C10orf67: variants seen among roughly 807,000 people sequenced by gnomAD.
The protein encoded by C10orf67 is chromosome 10 open reading frame 67.
A neutral mutation model predicts 35.6 loss-of-function variants in C10orf67; 60 were observed. That is an observed-to-expected ratio of 1.68 (90% CI 1.37 to 2.09). The LOEUF is 2.09. C10orf67 is among the 30% of genes most tolerant of loss of function. The pLI, the probability that C10orf67 is intolerant of heterozygous loss-of-function variation, is 0.00. For synonymous variants in C10orf67, 167 were observed against 115.8 expected (o/e 1.44, Z -2.84); for missense variants, 474 against 330.2 (o/e 1.44, Z -3.38).
rs528921804 is a variant in C10orf67 at position 23,255,556 on chromosome 10, T to C, written c.1201-4865A>G. On this transcript the variant is annotated intron_variant, in intron 10 of 15. Transcript: ENST00000636213. Reference sequence around the variant, plus strand: ...TAGAACATCCTAGACCTTGTGTTCATGTGTTCATGTGTTCATGTAGGAAGT... The same window carrying C: ...TAGAACATCCTAGACCTTGTGTTCACGTGTTCATGTGTTCATGTAGGAAGT... 7.9e-5 allele frequency among the ~76,000 whole-genome samples: 12 copies of C among 151,210 alleles called. No homozygotes were observed. In the South Asian group the frequency reaches 2.5e-3, roughly 31 times the overall value.
chr10:23,313,150 T>C (rs776890165), intron 4 of C10orf67, among the ~76,000 whole-genome samples: 3 of 152,238 alleles, frequency 2.0e-5, no homozygotes, highest in Non-Finnish European at 4.4e-5. Flanking sequence ...TCCTTAACTA[T>C]TCACCCAAAT....
intron 4 of C10orf67, among the ~76,000 whole-genome samples, chr10:23,315,519 G>C (rs1366775573): frequency 6.6e-6 from 1 of 151,592 alleles, no homozygotes; most frequent in Non-Finnish European, 1.5e-5. Context: ...GCTCACTGCA[G>C]CCTTAACTTC....
At chr10:23,264,208 C>T (rs1211760629) in intron 10 of C10orf67, among the ~76,000 whole-genome samples, 4 of 151,872 alleles carry the variant, frequency 2.6e-5, no homozygotes, top group South Asian at 4.1e-4. Flanking sequence ...TGTATATATA[C>T]GGTAAAGAAT....
At chr10:23,305,127 G>T (rs757335111) in intron 4 of C10orf67, among the ~76,000 whole-genome samples, 1 of 152,072 alleles carries the variant, frequency 6.6e-6, no homozygotes, top group Non-Finnish European at 1.5e-5. Context: ...CGAACATAAG[G>T]CTATATAGTT....
intron 10 of C10orf67, 95 bp downstream of exon 10, chr10:23,266,167 T>C (rs1167703118): frequency 7.6e-6 from 3 of 397,046 alleles, no homozygotes; most frequent in Non-Finnish European, 1.3e-5. Context: ...GAACCCGGTG[T>C]GCTTAGACTG....
At chr10:23,222,246 T>G (rs1199921820) in intron 15 of C10orf67, among the ~76,000 whole-genome samples, 2 of 152,186 alleles carry the variant, frequency 1.3e-5, no homozygotes, top group Non-Finnish European at 1.5e-5. Flanking sequence ...CCATCAAAAT[T>G]TATTTGTGTT....
At chr10:23,294,201 C>T (rs1219816125) in intron 5 of C10orf67, among the ~76,000 whole-genome samples, 1 of 152,108 alleles carries the variant, frequency 6.6e-6, no homozygotes, top group Non-Finnish European at 1.5e-5. Context: ...TGCAGAGCTG[C>T]CACTCTTGAA....
intron 12 of C10orf67, among the ~76,000 whole-genome samples, chr10:23,242,507 C>T (rs1372236779): frequency 6.6e-6 from 1 of 151,454 alleles, no homozygotes; most frequent in Non-Finnish European, 1.5e-5. Flanking sequence ...AATGAGAAGC[C>T]CAACAAACAG....
chr10:23,239,785 T>C lies in C10orf67; in HGVS notation c.1378A>G (p.Arg460Gly). The change falls in exon 13 of 16, where the codon AGG (arginine) becomes GGG (glycine). Residue 460 changes from arginine (R) to glycine (G), a missense_variant. By Grantham distance (125) the Arg-to-Gly change is moderately radical. Transcript: ENST00000636213. ...FHVLKNEMFTRHTLFRQFAVL... is the reference protein window; with the variant it reads ...FHVLKNEMFTGHTLFRQFAVL... ...GCAAACTGACGAAACAGTGTGTGCC[T>C]TGTAAACATCTCATTCTTAAGGACA... is the stretch of plus-strand genomic sequence containing the variant. 1 of 636,386 alleles carries C rather than the reference T, an allele frequency of 1.6e-6. No individual in the cohort carries two copies. The highest frequency in any genetic ancestry group is 3.1e-6 in the Non-Finnish European group (1 of 327,792). The allele number at this position is 636,386 out of a possible 1,614,324, so 39.4% of individuals were successfully genotyped here.
In C10orf67 at chr10:23,237,065, C is replaced by A. The variant is rs545137119; in HGVS notation, c.1434+2664G>T. 3.9e-5 allele frequency among the ~76,000 whole-genome samples: 6 copies of A among 152,116 alleles called. No homozygotes were observed. The South Asian group carries it at 1.2e-3, about 32-fold the overall frequency. Reference sequence around the variant, plus strand: ...CCCACCTCCACCCTCAAGTAGGCCCCCATGTCTGTTCCTTTGTGTCCATGT... The same window carrying A: ...CCCACCTCCACCCTCAAGTAGGCCCACATGTCTGTTCCTTTGTGTCCATGT... On this transcript the variant is annotated intron_variant, in intron 13 of 15. Coordinates refer to ENST00000636213, the MANE Select transcript of C10orf67 (RefSeq NM_001371909.1).
chr10:23,278,453 C>T (rs1224116216), intron 8 of C10orf67, among the ~76,000 whole-genome samples: 1 of 152,192 alleles, frequency 6.6e-6, no homozygotes. Context: ...TCCCTTCCAT[C>T]ATTTACTCAT....
intron 13 of C10orf67, among the ~76,000 whole-genome samples, chr10:23,227,366 G>A (rs1841769731): frequency 6.6e-6 from 1 of 152,098 alleles, no homozygotes; most frequent in Non-Finnish European, 1.5e-5. Flanking sequence ...ATGCAGAAAA[G>A]GCCTTTGACA....
At chr10:23,254,729 CAGA>C (rs1224492466) in intron 10 of C10orf67, among the ~76,000 whole-genome samples, 1 of 152,052 alleles carries the variant, frequency 6.6e-6, no homozygotes, top group Non-Finnish European at 1.5e-5. Context: ...TTTGTAATAA[CAGA>C]AGAAGCAAAT....
At chr10:23,221,416 A>T (rs1179333441) in intron 15 of C10orf67, among the ~76,000 whole-genome samples, 1 of 152,148 alleles carries the variant, frequency 6.6e-6, no homozygotes, top group Non-Finnish European at 1.5e-5. Flanking sequence ...TCAATATCTA[A>T]TACCTCTTTA....
At chr10:23,247,995 G>T (rs1165260860) in intron 12 of C10orf67, among the ~76,000 whole-genome samples, 1 of 152,204 alleles carries the variant, frequency 6.6e-6, no homozygotes, top group Non-Finnish European at 1.5e-5. Context: ...CCTTCACCTT[G>T]CATGCCCTAT....
intron 15 of C10orf67, among the ~76,000 whole-genome samples, chr10:23,208,397 A>G (rs1170498209): frequency 6.6e-6 from 1 of 152,186 alleles, no homozygotes; most frequent in Non-Finnish European, 1.5e-5. Context: ...GATTATTCTT[A>G]TGGGAAAAGT....
intron 4 of C10orf67, chr10:23,318,730 T>G: frequency 1.7e-6 from 1 of 599,568 alleles, no homozygotes; most frequent in East Asian, 2.8e-5. Flanking sequence ...TGCAAGTAAC[T>G]GAAAAGCCAA....
chr10:23,335,401 T>A (rs1247428435), intron 1 of C10orf67, among the ~76,000 whole-genome samples: 1 of 152,198 alleles, frequency 6.6e-6, no homozygotes, highest in Admixed American at 6.5e-5. Flanking sequence ...TTTCTGTGCC[T>A]TAGTTTCCTC....
At chr10:23,241,250 G>T (rs1329638540) in intron 12 of C10orf67, among the ~76,000 whole-genome samples, 1 of 152,120 alleles carries the variant, frequency 6.6e-6, no homozygotes, top group Admixed American at 6.6e-5. Context: ...ATTGTATTTG[G>T]GAGCAAGTAA....
Sources: allele counts gnomAD v4.1 joint callset (sites outside exome capture counted in the v4.1 genomes callset), GRCh38; gene constraint gnomAD v4.1.1; transcripts MANE v1.5; gene names NCBI Gene and HGNC (gene_info 2026-07-23, HGNC 2026-07-21).